The following INPP4B variants were observed in gnomAD, a reference collection of about 807,000 sequenced individuals.
INPP4B encodes inositol polyphosphate-4-phosphatase type II B, also known as inositol polyphosphate 4-phosphatase type II.
In INPP4B, 55 loss-of-function variants were observed where a neutral mutation model predicts 122.5. The observed-to-expected ratio is 0.45, with a 90% CI of 0.36 to 0.56. The LOEUF is 0.56. Among genes scored for constraint, INPP4B ranks in the 20% least tolerant of loss-of-function variants. INPP4B has a pLI of 0.00. For synonymous variants in INPP4B, 403 were observed against 388.7 expected, an observed-to-expected ratio of 1.04 and a Z score of -0.43; for missense variants, 1,000 against 1,097.7, an observed-to-expected ratio of 0.91 and a Z score of 1.26.
intron 12 of INPP4B, among the ~76,000 whole-genome samples, chr4:142,220,979 T>C (rs1328818497): frequency 6.6e-6 from 1 of 152,122 alleles, no homozygotes. Context: ...GTCTCCAATA[T>C]AGTCACATTC....
At chr4:142,578,945 C>T (rs1282862010) in intron 2 of INPP4B, among the ~76,000 whole-genome samples, 4 of 152,012 alleles carry the variant, frequency 2.6e-5, no homozygotes, top group Middle Eastern at 3.2e-3. Context: ...GAATCTGTTA[C>T]TGTGGTCTCT....
At chr4:142,724,161 A>T (rs1456388966) in intron 2 of INPP4B, among the ~76,000 whole-genome samples, 1 of 152,164 alleles carries the variant, frequency 6.6e-6, no homozygotes, top group African/African-American at 2.4e-5. Flanking sequence ...AATGGGAATT[A>T]CTTTCCCTCA....
intron 7 of INPP4B, among the ~76,000 whole-genome samples, chr4:142,342,644 T>A (rs2151709967): frequency 6.6e-6 from 1 of 152,286 alleles, no homozygotes; most frequent in Non-Finnish European, 1.5e-5. Context: ...CACAAGGAGT[T>A]AAATTAAAAT....
At chr4:142,058,290 T>C (rs1402314299) in intron 25 of INPP4B, among the ~76,000 whole-genome samples, 1 of 152,140 alleles carries the variant, frequency 6.6e-6, no homozygotes, top group Non-Finnish European at 1.5e-5. Context: ...TTTGACATTT[T>C]CATCAGATCA....
At chr4:142,195,112 C>G (rs1486372365) in intron 14 of INPP4B, among the ~76,000 whole-genome samples, 2 of 152,138 alleles carry the variant, frequency 1.3e-5, no homozygotes, top group South Asian at 2.1e-4. Flanking sequence ...TATTATTCAG[C>G]CTTTAAAAAG....
intron 2 of INPP4B, among the ~76,000 whole-genome samples, chr4:142,490,961 A>C (rs577801925): frequency 1.2e-4 from 18 of 152,166 alleles, no homozygotes; most frequent in Non-Finnish European, 2.2e-4. Context: ...TTTACCATTC[A>C]TTCATTGATG....
intron 23 of INPP4B, among the ~76,000 whole-genome samples, chr4:142,105,186 A>C (rs1037562382): frequency 1.3e-5 from 2 of 152,196 alleles, no homozygotes; most frequent in African/African-American, 4.8e-5. Context: ...AGTTGCAAGG[A>C]AGATGGGGGT....
intron 1 of INPP4B, among the ~76,000 whole-genome samples, chr4:142,780,535 A>AG (rs1774630917): frequency 6.6e-6 from 1 of 152,030 alleles, no homozygotes; most frequent in Non-Finnish European, 1.5e-5. Flanking sequence ...ACGGTGGCTC[A>AG]CACCTGTAAT....
intron 3 of INPP4B, among the ~76,000 whole-genome samples, chr4:142,453,446 C>T (rs1166576337): frequency 1.3e-5 from 2 of 152,004 alleles, no homozygotes; most frequent in African/African-American, 2.4e-5. Context: ...TGATGGATTA[C>T]TCATTTTATT....
At chr4:142,302,236 G>GGGTC (rs1239292439) in intron 9 of INPP4B, among the ~76,000 whole-genome samples, 5 of 152,226 alleles carry the variant, frequency 3.3e-5, no homozygotes, top group African/African-American at 1.2e-4. Context: ...CCCTGGCATA[G>GGGTC]GACCACTCTT....
intron 2 of INPP4B, among the ~76,000 whole-genome samples, chr4:142,510,672 C>T (rs144611819): frequency 1.6e-4 from 24 of 152,178 alleles, no homozygotes; most frequent in African/African-American, 5.5e-4. Context: ...AATATCATGC[C>T]TTATGTTTTT....
intron 25 of INPP4B, among the ~76,000 whole-genome samples, chr4:142,033,470 T>C (rs1741712559): frequency 6.6e-6 from 1 of 152,026 alleles, no homozygotes; most frequent in Non-Finnish European, 1.5e-5. Flanking sequence ...CAATGCCTGG[T>C]TGGGGTCAGT....
chr4:142,495,236 A>G (rs1372218548), intron 2 of INPP4B, among the ~76,000 whole-genome samples: 3 of 152,156 alleles, frequency 2.0e-5, no homozygotes, highest in Non-Finnish European at 4.4e-5. Flanking sequence ...TGATTCCCAG[A>G]AAAATTAATA....
chr4:142,674,602 T>A (rs1757459424), intron 2 of INPP4B, among the ~76,000 whole-genome samples: 1 of 152,084 alleles, frequency 6.6e-6, no homozygotes. Context: ...ACACTTATTC[T>A]AAAATTGACC....
At chr4:142,788,625 C>A (rs1035113559) in intron 1 of INPP4B, among the ~76,000 whole-genome samples, 1 of 152,086 alleles carries the variant, frequency 6.6e-6, no homozygotes, top group Admixed American at 6.6e-5. Context: ...CCCTGCCTGG[C>A]CTTCCCCACT....
chr4:142,062,306 A>T (rs189119984), intron 25 of INPP4B, among the ~76,000 whole-genome samples: 3 of 152,168 alleles, frequency 2.0e-5, no homozygotes, highest in Admixed American at 2.0e-4. Context: ...GCACCACACC[A>T]TCACACCATC....
intron 2 of INPP4B, among the ~76,000 whole-genome samples, chr4:142,679,706 A>C (rs187352269): frequency 6.6e-6 from 1 of 151,864 alleles, no homozygotes; most frequent in Non-Finnish European, 1.5e-5. Flanking sequence ...TAAGATGAAA[A>C]GTTGACAAGC....
intron 14 of INPP4B, among the ~76,000 whole-genome samples, chr4:142,196,848 C>G (rs1239803019): frequency 6.6e-6 from 1 of 151,818 alleles, no homozygotes; most frequent in African/African-American, 2.4e-5. Context: ...TTATAAGCAC[C>G]ATGAAAGTGA....
chr4:142,489,387 G>GT (rs1013565029), intron 2 of INPP4B, among the ~76,000 whole-genome samples: 1 of 151,796 alleles, frequency 6.6e-6, no homozygotes, highest in African/African-American at 2.4e-5. Flanking sequence ...GATAGATGGT[G>GT]TTTTTTGTTT....
Sources: gnomAD v4.1 joint callset for allele counts (sites outside exome capture counted in the v4.1 genomes callset) on GRCh38, gnomAD v4.1.1 for gene constraint, MANE v1.5 for transcripts, NCBI Gene and HGNC (gene_info 2026-07-23, HGNC 2026-07-21) for gene names.